Variants in ATP9B observed in about 807,000 individuals in gnomAD.
ATP9B encodes the protein probable phospholipid-transporting ATPase IIB.
ATP9B carries 110 observed loss-of-function variants against 146.1 expected under a neutral mutation model. The observed-to-expected ratio is 0.75, with a 90% CI of 0.65 to 0.88. The LOEUF (loss-of-function observed/expected upper bound fraction) is 0.88, where lower values mean the gene tolerates loss of function less well. Ranked by LOEUF, ATP9B falls within the 40% of genes least tolerant of loss-of-function variation. The probability of loss-of-function intolerance (pLI) is 0.00; values close to 1 mark genes in which losing one functional copy is unlikely to be tolerated. For missense variants in ATP9B, 1,499 were observed against 1,496.4 expected (o/e 1.00, Z -0.03); for synonymous variants, 604 against 569.7 (o/e 1.06, Z -0.86).
intron 13 of ATP9B, among the ~76,000 whole-genome samples, chr18:79,294,525 C>T (rs2096533695): frequency 6.6e-6 from 1 of 152,210 alleles, no homozygotes; most frequent in African/African-American, 2.4e-5. Context: ...ACCGTCAGTC[C>T]AGGTTCTTTA....
intron 15 of ATP9B, among the ~76,000 whole-genome samples, chr18:79,327,421 C>G: frequency 6.6e-6 from 1 of 151,172 alleles, no homozygotes; most frequent in East Asian, 1.9e-4. Context: ...TGGGACGTTG[C>G]AGAGAGCGTG....
chr18:79,238,099 A>G (rs577472096), intron 11 of ATP9B, among the ~76,000 whole-genome samples: 10 of 152,374 alleles, frequency 6.6e-5, no homozygotes, highest in Middle Eastern at 3.4e-3. Flanking sequence ...TTTATTTTTA[A>G]AAGTAGGAAA....
At chr18:79,181,000 G>A (rs1281188482) in intron 8 of ATP9B, among the ~76,000 whole-genome samples, 2 of 150,580 alleles carry the variant, frequency 1.3e-5, no homozygotes, top group African/African-American at 4.9e-5. Context: ...AAGTGGAGAC[G>A]GGGTTTCACC....
At chr18:79,120,411 TG>T (rs2094168127) in intron 4 of ATP9B, among the ~76,000 whole-genome samples, 1 of 152,266 alleles carries the variant, frequency 6.6e-6, no homozygotes, top group Non-Finnish European at 1.5e-5. Flanking sequence ...AAAATTGAGA[TG>T]TTTTTGAAAA....
chr18:79,137,789 C>T (rs1171158158), intron 5 of ATP9B, among the ~76,000 whole-genome samples: 1 of 152,208 alleles, frequency 6.6e-6, no homozygotes, highest in East Asian at 1.9e-4. Flanking sequence ...CTCTCCTAAC[C>T]CTGCAACAGT....
intron 1 of ATP9B, among the ~76,000 whole-genome samples, chr18:79,072,928 G>A (rs1303641776): frequency 6.6e-6 from 1 of 151,802 alleles, no homozygotes; most frequent in Non-Finnish European, 1.5e-5. Flanking sequence ...CGGCCGGGCA[G>A]AGGCGCTCGT....
intron 13 of ATP9B, among the ~76,000 whole-genome samples, chr18:79,283,736 G>A (rs2145904415): frequency 6.6e-6 from 1 of 152,308 alleles, no homozygotes; most frequent in South Asian, 2.1e-4. Flanking sequence ...TATTGACACT[G>A]ACCAGAAATA....
chr18:79,245,974 C>CGA (rs2095953781), intron 11 of ATP9B, among the ~76,000 whole-genome samples: 1 of 102,378 alleles, frequency 9.8e-6, no homozygotes, highest in African/African-American at 4.1e-5. Flanking sequence ...CTACTGACTG[C>CGA]GGAGGGCACC....
In ATP9B at chr18:79,359,421, A is replaced by G. The variant is rs371117673; in HGVS notation, c.2971A>G (p.Met991Val). The G allele has an allele frequency of 5.3e-5, 86 of 1,613,912 alleles. No homozygotes were observed. The highest frequency in any genetic ancestry group is 7.2e-5 in the Non-Finnish European group (85 of 1,179,934). Residue 991 changes from methionine (M) to valine (V), a missense_variant, in exon 26 of 30, where the codon ATG (methionine) becomes GTG (valine). Physicochemically the swap from Met to Val is conservative, Grantham distance 21. Coordinates refer to ENST00000426216, the MANE Select transcript of ATP9B (RefSeq NM_198531.5). ...GCTGGACCAGGACGTGAAGCCAGAG[A>G]TGGCGATGCTCTACCCGGAGCTGTA... ...LVLDQDVKPE[M>V]AMLYPELYKD...
intron 13 of ATP9B, among the ~76,000 whole-genome samples, chr18:79,296,947 AAGAGAGATGACCCAGAGAGGAGAC>A (rs1568606519): frequency 2.9e-5 from 4 of 140,194 alleles, no homozygotes; most frequent in Admixed American, 7.0e-5. Flanking sequence ...AGAGAGGAGA[AAGAGAGATGACCCAGAGAGGAGAC>A]AGAGAGATGA....
intron 1 of ATP9B, chr18:79,087,666 T>C (rs1290682558): frequency 6.6e-6 from 1 of 152,252 alleles, no homozygotes; most frequent in Non-Finnish European, 1.5e-5. Context: ...GGCTTAGATA[T>C]TTAAGATAAA....
rs2094124761 is a variant in ATP9B, at chr18:79,118,382, AC to A, written c.558+5029del. On this transcript the variant is annotated intron_variant, in intron 4 of 29. Coordinates refer to ENST00000426216, the MANE Select transcript of ATP9B (RefSeq NM_198531.5). ...TCATTTTAAAACACAATCATATTGA[AC>A]GTTTTTGTTTTTTTTTTTTTTTTTT... 3.4e-5 allele frequency among the ~76,000 whole-genome samples: 4 copies of A among 116,246 alleles called. 1 individual carries two copies. Among genetic ancestry groups the A allele is most frequent in the Non-Finnish European group, 5.2e-5 (3 of 58,096 alleles). The allele number at this position is 116,246 out of a possible 152,430, so 76.3% of individuals were successfully genotyped here.
chr18:79,279,556 A>G (rs1599545060), intron 13 of ATP9B, among the ~76,000 whole-genome samples: 1 of 152,252 alleles, frequency 6.6e-6, no homozygotes, highest in South Asian at 2.1e-4. Flanking sequence ...ATTCATATGT[A>G]TGAGTTTAAT....
At chr18:79,105,814 C>G (rs1489383609) in intron 2 of ATP9B, among the ~76,000 whole-genome samples, 1 of 152,152 alleles carries the variant, frequency 6.6e-6, no homozygotes, top group Non-Finnish European at 1.5e-5. Context: ...CTCAACTAAT[C>G]GGCAGACGTT....
intron 13 of ATP9B, among the ~76,000 whole-genome samples, chr18:79,303,140 C>T (rs1016039826): frequency 1.3e-5 from 2 of 152,238 alleles, no homozygotes; most frequent in Non-Finnish European, 2.9e-5. Context: ...CTTTAGGAGG[C>T]CAAGACAGAA....
At chr18:79,088,934 C>CT (rs535308490) in intron 1 of ATP9B, among the ~76,000 whole-genome samples, 52 of 152,324 alleles carry the variant, frequency 3.4e-4, no homozygotes, top group African/African-American at 1.2e-3. Flanking sequence ...GTTCTCCACT[C>CT]TTACCAGCGA....
At chr18:79,073,177 C>G (rs376575517) in intron 1 of ATP9B, among the ~76,000 whole-genome samples, 1 of 151,990 alleles carries the variant, frequency 6.6e-6, no homozygotes, top group Admixed American at 6.6e-5. Context: ...TCCTCACATC[C>G]CAGACAATGG....
chr18:79,337,819 C>T (rs998191298), intron 19 of ATP9B, among the ~76,000 whole-genome samples: 5 of 152,238 alleles, frequency 3.3e-5, no homozygotes, highest in African/African-American at 9.6e-5. Flanking sequence ...TGGCCACCGC[C>T]GGCCAGATGT....
intron 8 of ATP9B, among the ~76,000 whole-genome samples, chr18:79,188,961 A>G (rs57977665): frequency 0.21 from 32,013 of 151,374 alleles, 3,756 homozygotes; most frequent in East Asian, 0.5. Context: ...TTAACTAGTT[A>G]CAGTATGCCT....
Sources: allele counts gnomAD v4.1 joint callset (sites outside exome capture counted in the v4.1 genomes callset), GRCh38; gene constraint gnomAD v4.1.1; transcripts MANE v1.5; gene names NCBI Gene and HGNC (gene_info 2026-07-23, HGNC 2026-07-21).